AADACL2: variants seen among roughly 807,000 people sequenced by gnomAD.
AADACL2 encodes arylacetamide deacetylase like 2.
Under a neutral mutation model 22.3 loss-of-function variants are expected in AADACL2, and 23 were observed. That is an observed-to-expected ratio of 1.03 (90% CI 0.74 to 1.46). The LOEUF (loss-of-function observed/expected upper bound fraction) is 1.46. Among genes scored for constraint, AADACL2 ranks in the 40% most tolerant of loss-of-function variants. The pLI is 0.00. For synonymous variants in AADACL2, 177 were observed against 166.2 expected, an observed-to-expected ratio of 1.07 and a Z score of -0.50; for missense variants, 472 against 482.9, an observed-to-expected ratio of 0.98 and a Z score of 0.21.
rs1278231523 is a variant in AADACL2 at position 151,759,181 on chromosome 3, A to T, written c.*1587A>T. 1.3e-5 allele frequency: 2 copies of T among 152,072 alleles called. No homozygotes were observed. Among genetic ancestry groups the T allele is most frequent in the Admixed American group, 1.3e-4 (2 of 15,264 alleles). 9.4% of individuals were successfully genotyped at this position (152,072 alleles called of 1,614,324 possible). ...ATACTACATACACTAAGAATATTGT[A>T]TTTTTCATAATTCTGATTTAATCTC... On this transcript the variant is annotated 3_prime_UTR_variant, in exon 5 of 5. Coordinates refer to ENST00000356517, the MANE Select transcript of AADACL2 (RefSeq NM_207365.4).
chr3:151,742,706 C>T (rs1520143), intron 2 of AADACL2, among the ~76,000 whole-genome samples: 53,626 of 151,938 alleles, frequency 0.35, 9,694 homozygotes, highest in Middle Eastern at 0.5. Flanking sequence ...ATCCTGTTTG[C>T]GCCCCTGAGC....
chr3:151,740,551 T>G (rs999554675), intron 1 of AADACL2, 95 bp from the exon 2 acceptor site: 1 of 794,728 alleles, frequency 1.3e-6, no homozygotes, highest in African/African-American at 1.8e-5. Flanking sequence ...TTGTTTACCT[T>G]GCTTATTTTT....
Position 151,757,526 on chromosome 3 carries a change from C to A in AADACL2, c.1138C>A (p.Pro380Thr). ...TGGAGCTTTATCATTCATGACTTCA[C>A]CATTTTATTTACGTCTAGGTCTTAG... ...IHGALSFMTS[P>T]FYLRLGLRIR... Residue 380 changes from proline to threonine, a missense_variant, in exon 5 of 5, where the codon CCA becomes ACA. This residue lies in a region of AADACL2 where 113 missense variants were observed against 100.9 expected (regional missense o/e 1.12). Transcript: ENST00000356517. The A allele has an allele frequency of 6.2e-7, 1 of 1,613,344 alleles. No individual in the cohort carries two copies. Among genetic ancestry groups the A allele is most frequent in the Non-Finnish European group, 8.5e-7 (1 of 1,179,520 alleles).
At chr3:151,735,778 T>C (rs1471315085) in intron 1 of AADACL2, among the ~76,000 whole-genome samples, 3 of 152,128 alleles carry the variant, frequency 2.0e-5, no homozygotes, top group Non-Finnish European at 1.5e-5. Context: ...AAAATTAAAT[T>C]AAAATTAAGA....
At chr3:151,752,896 G>C (rs1713722702) in intron 4 of AADACL2, among the ~76,000 whole-genome samples, 1 of 151,950 alleles carries the variant, frequency 6.6e-6, no homozygotes, top group South Asian at 2.1e-4. Flanking sequence ...TCATAAGGTG[G>C]TAATAAAGCC....
At chr3:151,744,326 A>G (rs992285102) in intron 3 of AADACL2, among the ~76,000 whole-genome samples, 164 bp downstream of exon 3, 1 of 152,112 alleles carries the variant, frequency 6.6e-6, no homozygotes, top group Non-Finnish European at 1.5e-5. Context: ...TCAGTGTCCC[A>G]TTATTTTTCT....
At chr3:151,739,739 C>T (rs1424837756) in intron 1 of AADACL2, among the ~76,000 whole-genome samples, 2 of 152,188 alleles carry the variant, frequency 1.3e-5, no homozygotes, top group Non-Finnish European at 2.9e-5. Flanking sequence ...GAGAGGCAGT[C>T]TGGCCACAGC....
rs772048754 is a variant in AADACL2 at position 151,745,694 on chromosome 3, G to GT, written c.603+19dup. 1.3e-6 allele frequency: 2 copies of GT among 1,554,588 alleles called. No individual in the cohort carries two copies. Among genetic ancestry groups the GT allele is most frequent in the East Asian group, 4.7e-5 (2 of 42,486 alleles). ...GTCACTCAACAGGTACATTATATTT[G>GT]TTTTTATGATAGGAGGCAGAAATTG... On this transcript the variant is annotated intron_variant, in intron 4 of 4. Coordinates refer to ENST00000356517, the MANE Select transcript of AADACL2 (RefSeq NM_207365.4).
chr3:151,748,906 G>A (rs1713551709), intron 4 of AADACL2, among the ~76,000 whole-genome samples: 1 of 152,122 alleles, frequency 6.6e-6, no homozygotes, highest in Admixed American at 6.5e-5. Flanking sequence ...TGGTCTATAT[G>A]TTTGTTTATA....
At chr3:151,752,994 T>C (rs1713727230) in intron 4 of AADACL2, among the ~76,000 whole-genome samples, 1 of 152,162 alleles carries the variant, frequency 6.6e-6, no homozygotes, top group African/African-American at 2.4e-5. Context: ...TTTAAAAATA[T>C]AAAAAACTCT....
chr3:151,755,265 G>A (rs980562259), intron 4 of AADACL2: 1 of 152,022 alleles, frequency 6.6e-6, no homozygotes, highest in African/African-American at 2.4e-5. Context: ...GGGGTACAAT[G>A]ACAACTTAGG....
At chr3:151,740,566 C>T in intron 1 of AADACL2, 80 bp from the exon 2 acceptor site, 2 of 947,712 alleles carry the variant, frequency 2.1e-6, no homozygotes, top group African/African-American at 1.7e-5. Flanking sequence ...ATTTTTTCTT[C>T]CTTTTTAACT....
At chr3:151,740,588 T>C (rs1397121559) in intron 1 of AADACL2, 58 bp from the exon 2 acceptor site, 2 of 1,120,106 alleles carry the variant, frequency 1.8e-6, no homozygotes, top group Non-Finnish European at 2.5e-6. Context: ...TCTTTTTAAA[T>C]ATATTTGGTG....
At chr3:151,749,520 T>A (rs969688964) in intron 4 of AADACL2, among the ~76,000 whole-genome samples, 1 of 152,174 alleles carries the variant, frequency 6.6e-6, no homozygotes, top group African/African-American at 2.4e-5. Context: ...TCTCCCTCTG[T>A]TGCCCAGGCT....
In AADACL2 at chr3:151,759,892, A is replaced by T. The variant is rs1714087201; in HGVS notation, c.*2298A>T. 6.6e-6 allele frequency: 1 copy of T among 152,148 alleles called. No individual in the cohort carries two copies. Among genetic ancestry groups the T allele is most frequent in the African/African-American group, 2.4e-5 (1 of 41,438 alleles). 9.4% of individuals were successfully genotyped at this position (152,148 alleles called of 1,614,324 possible). ...TGATCAAGCCATTAAGTTTGGAAAC[A>T]ACTGAATGAAAGTCGTCTGTTATAA... On this transcript the variant is annotated 3_prime_UTR_variant, in exon 5 of 5. Transcript: ENST00000356517.
chr3:151,745,715 A>T, intron 4 of AADACL2, 35 bp downstream of exon 4: 1 of 1,536,080 alleles, frequency 6.5e-7, no homozygotes, highest in Non-Finnish European at 8.7e-7. Flanking sequence ...AGGAGGCAGA[A>T]ATTGAGGCTC....
intron 1 of AADACL2, among the ~76,000 whole-genome samples, chr3:151,740,340 C>T (rs1713237309): frequency 1.3e-5 from 2 of 152,180 alleles, no homozygotes; most frequent in Admixed American, 6.5e-5. Context: ...CTAACAATCC[C>T]AATGAGGTGA....
In AADACL2 at chr3:151,738,592, C is replaced by T. The variant is rs562950203; in HGVS notation, c.139-2054C>T. On this transcript the variant is annotated intron_variant, in intron 1 of 4. Transcript: ENST00000356517. The stretch of plus-strand genomic sequence containing the variant: ...GGATAATATCCTGAGGTGTGTTTTC[C>T]AGCTTGATTCCATTCTCCTTGTCAC... Among the ~76,000 whole-genome samples, 9 of 152,294 alleles carry T rather than the reference C, an allele frequency of 5.9e-5. No individual in the cohort carries two copies. The South Asian group carries it at 1.2e-3, about 21-fold the overall frequency.
At chr3:151,755,414 G>C (rs113131852) in intron 4 of AADACL2, among the ~76,000 whole-genome samples, 2 of 152,062 alleles carry the variant, frequency 1.3e-5, no homozygotes, top group African/African-American at 4.8e-5. Context: ...AGTTTCCTTT[G>C]ATCAGGTATT....
Sources: gnomAD v4.1 joint callset for allele counts (sites outside exome capture counted in the v4.1 genomes callset) on GRCh38, gnomAD v4.1.1 for gene constraint, gnomAD v4.1.1 regional missense constraint, MANE v1.5 for transcripts, NCBI Gene and HGNC (gene_info 2026-07-23, HGNC 2026-07-21) for gene names.